The following STYXL2 variants were observed in gnomAD, a reference collection of about 807,000 sequenced individuals.
STYXL2 encodes serine/threonine/tyrosine-interacting-like protein 2.
STYXL2 carries 44 observed loss-of-function variants against 52.4 expected under a neutral mutation model. That is an observed-to-expected ratio of 0.84 (90% CI 0.66 to 1.08). The LOEUF is 1.08. Among genes scored for constraint, STYXL2 ranks in the 50% least tolerant of loss-of-function variants. The pLI is 0.00. For synonymous variants in STYXL2, 604 were observed against 586.9 expected, an observed-to-expected ratio of 1.03 and a Z score of -0.42; for missense variants, 1,604 against 1,471.7, an observed-to-expected ratio of 1.09 and a Z score of -1.47.
At chr1:167,109,873 T>C (rs1165059719) in intron 2 of STYXL2, among the ~76,000 whole-genome samples, 1 of 152,140 alleles carries the variant, frequency 6.6e-6, no homozygotes, top group Non-Finnish European at 1.5e-5. Flanking sequence ...AGGTCCTGAG[T>C]CTGTCCACAT....
intron 2 of STYXL2, among the ~76,000 whole-genome samples, chr1:167,096,005 T>G (rs773018225): frequency 5.8e-4 from 88 of 151,956 alleles, no homozygotes; most frequent in Non-Finnish European, 7.5e-4. Flanking sequence ...CCTTTAAAAT[T>G]CAGCATTATG....
At chr1:167,102,385 T>A (rs1488905099) in intron 2 of STYXL2, among the ~76,000 whole-genome samples, 3 of 152,036 alleles carry the variant, frequency 2.0e-5, no homozygotes, top group African/African-American at 4.8e-5. Flanking sequence ...AGTGGTGCAG[T>A]GGAGACCAAA....
In STYXL2 at chr1:167,128,198, A is replaced by G. The variant is rs763198020; in HGVS notation, c.3067A>G (p.Arg1023Gly). ...REGREMHKFS[R>G]STYNETSSSR... Reference sequence around the variant, plus strand: ...GGGCAGAGAGATGCACAAGTTCTCCAGGTCCACGTACAACGAGACCTCAAG... The same window carrying G: ...GGGCAGAGAGATGCACAAGTTCTCCGGGTCCACGTACAACGAGACCTCAAG... The change falls in exon 6 of 6, where the codon AGG (arginine) becomes GGG (glycine). Residue 1023 changes from arginine (R) to glycine (G), a missense_variant. By Grantham distance (125) the Arg-to-Gly change is moderately radical. Coordinates refer to ENST00000361200, the MANE Select transcript of STYXL2 (RefSeq NM_001080426.3). The G allele has an allele frequency of 6.2e-7, 1 of 1,614,228 alleles. No individual in the cohort carries two copies. The highest frequency in any genetic ancestry group is 1.1e-5 in the South Asian group (1 of 91,082).
chr1:167,099,586 A>C (rs186336302), intron 2 of STYXL2, among the ~76,000 whole-genome samples: 1 of 152,360 alleles, frequency 6.6e-6, no homozygotes, highest in African/African-American at 2.4e-5. Flanking sequence ...ATACTACTAC[A>C]TACTCACCAG....
chr1:167,127,862 A>C lies in STYXL2; in HGVS notation c.2731A>C (p.Thr911Pro), dbSNP rs2102251959. ...TAATTCCCAGAAACCTGAAACAGAC[A>C]CATGCTCCTCCCTGGCTGTCTGTGA... is the stretch of plus-strand genomic sequence containing the variant. ...RSNSQKPETD[T>P]CSSLAVCDHY... Residue 911 changes from threonine (T) to proline (P), a missense_variant, in exon 6 of 6, where the codon ACA becomes CCA. Physicochemically the swap from Thr to Pro is conservative, Grantham distance 38. Transcript: ENST00000361200. 5.6e-6 allele frequency: 9 copies of C among 1,614,006 alleles called. No homozygotes were observed. The highest frequency in any genetic ancestry group is 7.6e-6 in the Non-Finnish European group (9 of 1,180,034).
At chr1:167,124,732 T>C (rs1377151722) in intron 5 of STYXL2, among the ~76,000 whole-genome samples, 1 of 152,216 alleles carries the variant, frequency 6.6e-6, no homozygotes, top group Admixed American at 6.5e-5. Context: ...CACGACTTAA[T>C]TGCAGTTTTT....
At position 167,126,232 on chromosome 1, in the gene STYXL2, G is replaced by C. The variant is rs774028355; in HGVS notation, c.1101G>C (p.Gln367His). The change falls in exon 6 of 6, where the codon CAG becomes CAC. Residue 367 changes from glutamine to histidine, a missense_variant. Coordinates refer to ENST00000361200, the MANE Select transcript of STYXL2 (RefSeq NM_001080426.3). ...GQGLLSDKVP[Q>H]DGGGWRSASS... ...GCCTCCTCTCAGACAAGGTCCCCCA[G>C]GATGGAGGTGGCTGGCGCTCAGCCT... The C allele has an allele frequency of 1.3e-6, 2 of 1,547,182 alleles. No homozygotes were observed. The highest frequency in any genetic ancestry group is 2.5e-5 in the South Asian group (2 of 78,534).
intron 5 of STYXL2, among the ~76,000 whole-genome samples, chr1:167,121,991 G>A (rs1487964944): frequency 3.9e-5 from 6 of 152,184 alleles, no homozygotes; most frequent in Non-Finnish European, 8.8e-5. Flanking sequence ...GGAGACTTGG[G>A]AGTCAGTTCT....
chr1:167,100,216 C>G (rs1371116011), intron 2 of STYXL2, among the ~76,000 whole-genome samples: 1 of 152,204 alleles, frequency 6.6e-6, no homozygotes, highest in Non-Finnish European at 1.5e-5. Flanking sequence ...CTAATCCAGT[C>G]CCCCAAGAGC....
chr1:167,128,710 A>C lies in STYXL2; in HGVS notation c.*102A>C. ...ATCGCAGGATGAGGATACAGAGAGG[A>C]TCTTCCAGAGGGGCAGAGCCAAAAT... is the stretch of plus-strand genomic sequence containing the variant. On this transcript the variant is annotated 3_prime_UTR_variant, in exon 6 of 6. Transcript: ENST00000361200. 6.9e-7 allele frequency: 1 copy of C among 1,456,122 alleles called. No individual in the cohort carries two copies. Among genetic ancestry groups the C allele is most frequent in the Non-Finnish European group, 9.0e-7 (1 of 1,112,458 alleles). The allele number at this position is 1,456,122 out of a possible 1,614,324, so 90.2% of individuals were successfully genotyped here.
At chr1:167,121,971 C>G (rs531741053) in intron 5 of STYXL2, among the ~76,000 whole-genome samples, 28 of 152,302 alleles carry the variant, frequency 1.8e-4, no homozygotes, top group African/African-American at 6.5e-4. Flanking sequence ...CTGTGGTTTT[C>G]TCTGCTTTAG....
In STYXL2 at chr1:167,128,472, C is replaced by T. The variant is rs780262131; in HGVS notation, c.3341C>T (p.Ser1114Phe). 2 of 1,613,844 alleles carry T rather than the reference C, an allele frequency of 1.2e-6. No individual in the cohort carries two copies. Among genetic ancestry groups the T allele is most frequent in the African/African-American group, 2.7e-5 (2 of 74,896 alleles). Residue 1114 changes from serine (S) to phenylalanine (F), a missense_variant, in exon 6 of 6, where the codon TCT (serine) becomes TTT (phenylalanine). Physicochemically the swap from Ser to Phe is radical, Grantham distance 155. Coordinates refer to ENST00000361200, the MANE Select transcript of STYXL2 (RefSeq NM_001080426.3). Reference protein sequence around the residue: ...TENREEGRFASGRRSQYRRST... With the variant: ...TENREEGRFAFGRRSQYRRST... Reference sequence around the variant, plus strand: ...AACAGAGAAGAAGGGAGGTTTGCATCTGGACGGCGGTCCCAGTATCGGAGA... The same window carrying T: ...AACAGAGAAGAAGGGAGGTTTGCATTTGGACGGCGGTCCCAGTATCGGAGA...
chr1:167,126,654 G>A lies in STYXL2; in HGVS notation c.1523G>A (p.Ser508Asn). ...AAGAGAGAGGAGGCGGCAGACAGGA[G>A]CTCAGAAGCAGGGAGCAGGGTGCGG... is the stretch of plus-strand genomic sequence containing the variant. ...KSKREEAADRSSEAGSRVRED... is the reference protein window; with the variant it reads ...KSKREEAADRNSEAGSRVRED... Residue 508 changes from serine (S) to asparagine (N), a missense_variant, in exon 6 of 6, where the codon AGC (serine) becomes AAC (asparagine). Coordinates refer to ENST00000361200, the MANE Select transcript of STYXL2 (RefSeq NM_001080426.3). 3.1e-6 allele frequency: 5 copies of A among 1,614,152 alleles called. No individual in the cohort carries two copies. The highest frequency in any genetic ancestry group is 4.2e-6 in the Non-Finnish European group (5 of 1,180,022).
At chr1:167,099,438 A>ATAT (rs1424593572) in intron 2 of STYXL2, among the ~76,000 whole-genome samples, 4 of 152,270 alleles carry the variant, frequency 2.6e-5, no homozygotes, top group Non-Finnish European at 4.4e-5. Flanking sequence ...AAAATAGATC[A>ATAT]TATACTGGGC....
At chr1:167,118,489 C>A (rs778718671) in intron 4 of STYXL2, among the ~76,000 whole-genome samples, 12 of 152,192 alleles carry the variant, frequency 7.9e-5, no homozygotes, top group Non-Finnish European at 1.8e-4. Flanking sequence ...ATCCTCAGAG[C>A]TGGGCACCAA....
chr1:167,114,843 A>G (rs1667694456), intron 3 of STYXL2, among the ~76,000 whole-genome samples: 1 of 151,830 alleles, frequency 6.6e-6, no homozygotes, highest in Non-Finnish European at 1.5e-5. Context: ...CCACTAACCC[A>G]GGCAGTGTCT....
At chr1:167,102,042 C>T (rs1003925496) in intron 2 of STYXL2, among the ~76,000 whole-genome samples, 1 of 150,810 alleles carries the variant, frequency 6.6e-6, no homozygotes, top group South Asian at 2.1e-4. Flanking sequence ...GAAAGTCAGA[C>T]AAAAAAGGGT....
Position 167,127,316 on chromosome 1 carries a change from A to G in STYXL2, c.2185A>G (p.Asn729Asp), listed in dbSNP as rs758106454. The G allele has an allele frequency of 6.2e-7, 1 of 1,614,190 alleles. No homozygotes were observed. Among genetic ancestry groups the G allele is most frequent in the Non-Finnish European group, 8.5e-7 (1 of 1,180,034 alleles). ...TGCCAGTATCCAGAACTGGATTGCC[A>G]ATGTAGTCAGTGAGACCCTTGCTCA... ...SIASIQNWIA[N>D]VVSETLAQKQ... Residue 729 changes from asparagine (N) to aspartate (D), a missense_variant, in exon 6 of 6, where the codon AAT (asparagine) becomes GAT (aspartate). Coordinates refer to ENST00000361200, the MANE Select transcript of STYXL2 (RefSeq NM_001080426.3).
chr1:167,113,144 G>GT (rs1229922801), intron 2 of STYXL2, among the ~76,000 whole-genome samples: 2 of 104,632 alleles, frequency 1.9e-5, no homozygotes, highest in Non-Finnish European at 3.8e-5. Flanking sequence ...GATTTCATGT[G>GT]CTCAGAATCA....
Sources: gnomAD v4.1 joint callset for allele counts (sites outside exome capture counted in the v4.1 genomes callset) on GRCh38, gnomAD v4.1.1 for gene constraint, MANE v1.5 for transcripts, NCBI Gene and HGNC (gene_info 2026-07-23, HGNC 2026-07-21) for gene names.